Variants in MEMO1 observed in about 807,000 individuals in gnomAD.
MEMO1 encodes mediator of cell motility 1.
Under a neutral mutation model 45.2 loss-of-function variants are expected in MEMO1, and 6 were observed. The ratio of observed to expected loss-of-function variants is 0.13; its 90% CI spans 0.07 to 0.26. MEMO1 has a LOEUF of 0.26. MEMO1 is among the 10% of genes least tolerant of loss of function. The probability of loss-of-function intolerance (pLI) is 1.00; values close to 1 mark genes in which losing one functional copy is unlikely to be tolerated. For synonymous variants in MEMO1, 78 were observed against 124.3 expected (o/e 0.63, Z 2.48); for missense variants, 184 against 370.5 (o/e 0.50, Z 4.13).
At chr2:31,928,403 C>A (rs1558510236) in intron 4 of MEMO1, among the ~76,000 whole-genome samples, 1 of 152,042 alleles carries the variant, frequency 6.6e-6, no homozygotes, top group Non-Finnish European at 1.5e-5. Context: ...ATTAGCCAGG[C>A]CTGCCTGGTG....
intron 2 of MEMO1, among the ~76,000 whole-genome samples, chr2:31,991,178 A>G (rs1372564063): frequency 6.6e-6 from 1 of 152,232 alleles, no homozygotes; most frequent in Non-Finnish European, 1.5e-5. Context: ...ATAGACAGAC[A>G]CATAAGAAAT....
chr2:31,883,204 G>A (rs28716990), intron 8 of MEMO1, among the ~76,000 whole-genome samples, 182 bp downstream of exon 8: 1,558 of 151,984 alleles, frequency 0.01, 19 homozygotes, highest in Middle Eastern at 0.051. Flanking sequence ...TTATGATGAC[G>A]GAAATTCCTA....
intron 2 of MEMO1, among the ~76,000 whole-genome samples, chr2:31,965,463 T>A (rs1668511592): frequency 6.6e-6 from 1 of 152,060 alleles, no homozygotes; most frequent in Non-Finnish European, 1.5e-5. Flanking sequence ...AAATGAGGGT[T>A]CATTACAGTG....
chr2:31,938,521 G>A (rs1002299078), intron 3 of MEMO1, among the ~76,000 whole-genome samples: 10 of 151,822 alleles, frequency 6.6e-5, no homozygotes, highest in Admixed American at 2.0e-4. Flanking sequence ...GGTGGTGGGC[G>A]ACTGTAGTCC....
At chr2:31,871,960 C>T (rs1673822156) in intron 8 of MEMO1, among the ~76,000 whole-genome samples, 2 of 150,426 alleles carry the variant, frequency 1.3e-5, no homozygotes, top group Admixed American at 1.3e-4. Context: ...GTTGCAGTGA[C>T]CCGAGATTGT....
At chr2:31,959,090 G>GAAGTTTGTTCTAAGATGAAGACTTT (rs1324264016) in intron 2 of MEMO1, among the ~76,000 whole-genome samples, 3 of 152,230 alleles carry the variant, frequency 2.0e-5, no homozygotes, top group African/African-American at 7.2e-5. Context: ...GGAAAGCCAT[G>GAAGTTTGTTCTAAGATGAAGACTTT]AAGTTTGTTC....
chr2:31,948,366 A>G (rs1053053021), intron 2 of MEMO1, among the ~76,000 whole-genome samples: 3 of 152,192 alleles, frequency 2.0e-5, no homozygotes, highest in Non-Finnish European at 4.4e-5. Flanking sequence ...ATACCTGCCT[A>G]TTAGCACAAT....
chr2:31,903,224 C>T (rs1181981468), intron 6 of MEMO1, among the ~76,000 whole-genome samples: 4 of 152,110 alleles, frequency 2.6e-5, no homozygotes, highest in Non-Finnish European at 5.9e-5. Flanking sequence ...CTTCCAGTTT[C>T]CTAATGAGTC....
chr2:31,933,421 G>C (rs1319116010), intron 3 of MEMO1, among the ~76,000 whole-genome samples: 1 of 130,280 alleles, frequency 7.7e-6, no homozygotes, highest in African/African-American at 2.9e-5. Flanking sequence ...TACAGGTACA[G>C]AAAGGAAGAA....
intron 2 of MEMO1, among the ~76,000 whole-genome samples, chr2:31,985,633 T>C (rs1206399449): frequency 6.6e-6 from 1 of 151,928 alleles, no homozygotes; most frequent in African/African-American, 2.4e-5. Context: ...GCCTACATAC[T>C]TATTTTCCAC....
intron 2 of MEMO1, among the ~76,000 whole-genome samples, chr2:31,953,071 T>C (rs1343177006): frequency 1.3e-5 from 2 of 152,198 alleles, no homozygotes. Context: ...GCTTTTTCCA[T>C]ATTTAAGATT....
chr2:32,009,281 T>C (rs1674497440), intron 2 of MEMO1, among the ~76,000 whole-genome samples: 1 of 152,088 alleles, frequency 6.6e-6, no homozygotes, highest in Non-Finnish European at 1.5e-5. Flanking sequence ...GGGCGACTGC[T>C]CGGGAAAAGT....
chr2:32,010,539 C>A (rs1486421209), intron 1 of MEMO1: 1 of 242,362 alleles, frequency 4.1e-6, no homozygotes, highest in South Asian at 4.8e-5. Flanking sequence ...AAAGCCCTGG[C>A]CCCGGCCCCC....
At chr2:31,903,192 A>G (rs897720800) in intron 6 of MEMO1, among the ~76,000 whole-genome samples, 5 of 152,162 alleles carry the variant, frequency 3.3e-5, no homozygotes, top group Non-Finnish European at 7.3e-5. Context: ...CGAATATGCA[A>G]ATTTTCCTTC....
intron 8 of MEMO1, among the ~76,000 whole-genome samples, chr2:31,881,722 T>C (rs2147934578): frequency 6.6e-6 from 1 of 152,188 alleles, no homozygotes; most frequent in African/African-American, 2.4e-5. Flanking sequence ...CAAGTCTTAA[T>C]ATGTGCCAAG....
intron 2 of MEMO1, among the ~76,000 whole-genome samples, chr2:31,950,677 C>T (rs1214900394): frequency 1.3e-5 from 2 of 148,840 alleles, no homozygotes; most frequent in African/African-American, 2.5e-5. Flanking sequence ...GCTGAGATAA[C>T]GACACTGTAC....
chr2:31,887,303 C>G (rs920358627), intron 7 of MEMO1, among the ~76,000 whole-genome samples: 14 of 152,096 alleles, frequency 9.2e-5, no homozygotes, highest in Admixed American at 2.6e-4. Context: ...GTAAATACCT[C>G]AACATTAAGC....
chr2:32,009,675 C>T lies in MEMO1; in HGVS notation c.61+512G>A, dbSNP rs1332990641. ...CTCTGGGCGAGGGCACTCCCCGGAC[C>T]GCCAGCGGGGAGGGCAGGGAAGACG... On this transcript the variant is annotated intron_variant, in intron 2 of 9. Transcript: ENST00000404530. Among the ~76,000 whole-genome samples the T allele has an allele frequency of 2.0e-5, 3 of 152,222 alleles. No individual in the cohort carries two copies. The East Asian group carries it at 5.8e-4, about 30-fold the overall frequency.
chr2:31,912,664 T>C (rs116007009), intron 6 of MEMO1, among the ~76,000 whole-genome samples: 102 of 152,186 alleles, frequency 6.7e-4, no homozygotes, highest in African/African-American at 2.4e-3. Context: ...GTATAAGATA[T>C]GATCTCTTGT....
Sources: gnomAD v4.1 joint callset for allele counts (sites outside exome capture counted in the v4.1 genomes callset) on GRCh38, gnomAD v4.1.1 for gene constraint, MANE v1.5 for transcripts, NCBI Gene and HGNC (gene_info 2026-07-23, HGNC 2026-07-21) for gene names.